ZNF736: variants seen among roughly 807,000 people sequenced by gnomAD.
ZNF736 encodes the protein KRAB-containing zinc-finger repressor protein.
A neutral mutation model predicts 11.7 loss-of-function variants in ZNF736; 6 were observed. The ratio of observed to expected loss-of-function variants is 0.51; its 90% CI spans 0.28 to 1.01. ZNF736 has a LOEUF of 1.01. Among genes scored for constraint, ZNF736 ranks in the 50% least tolerant of loss-of-function variants. The pLI is 0.09. For missense variants in ZNF736, 444 were observed against 496.0 expected, an observed-to-expected ratio of 0.90 and a Z score of 1.00; for synonymous variants, 139 against 164.7, an observed-to-expected ratio of 0.84 and a Z score of 1.19.
rs1789438071 is a variant in ZNF736 at position 64,348,283 on chromosome 7, C to A, written c.420C>A (p.Thr140=). ...YNGLHQCLSA[T]HSKTCQCNKC... ...GCCTTCATCAATGTTTGTCAGCTAC[C>A]CATAGCAAAACCTGTCAATGTAATA... Residue 140 remains threonine (T), a synonymous_variant, in exon 4 of 4, where the codon ACC becomes ACA. Transcript: ENST00000423484. The A allele has an allele frequency of 6.4e-7, 1 of 1,551,724 alleles. No individual in the cohort carries two copies. Among genetic ancestry groups the A allele is most frequent in the Non-Finnish European group, 8.7e-7 (1 of 1,146,912 alleles).
rs1485483294 is a variant in ZNF736 at position 64,350,365 on chromosome 7, A to G, written c.*1218A>G. 1 of 152,126 alleles carries G rather than the reference A, an allele frequency of 6.6e-6. No homozygotes were observed. Among genetic ancestry groups the G allele is most frequent in the Non-Finnish European group, 1.5e-5 (1 of 68,028 alleles). 9.4% of individuals were successfully genotyped at this position (152,126 alleles called of 1,614,324 possible). On this transcript the variant is annotated 3_prime_UTR_variant, in exon 4 of 4. Coordinates refer to ENST00000423484, the MANE Select transcript of ZNF736 (RefSeq NM_001170905.3). Reference sequence around the variant, plus strand: ...TTCTGCTGTTAATATATGTGATTACATTATAAAGGTTTTGTATTGTGTTTT... The same window carrying G: ...TTCTGCTGTTAATATATGTGATTACGTTATAAAGGTTTTGTATTGTGTTTT...
chr7:64,351,872 T>C lies in ZNF736; in HGVS notation c.*2725T>C, dbSNP rs1419593480. On this transcript the variant is annotated 3_prime_UTR_variant, in exon 4 of 4. Coordinates refer to ENST00000423484, the MANE Select transcript of ZNF736 (RefSeq NM_001170905.3). ...TTGGCCAAGTTAGGGGTTTACTGTC[T>C]GCTGAGGAGCAGTGGGTAGTTTGTG... The C allele has an allele frequency of 6.6e-6, 1 of 152,302 alleles. No individual in the cohort carries two copies. The highest frequency in any genetic ancestry group is 1.5e-5 in the Non-Finnish European group (1 of 68,126). 9.4% of individuals were successfully genotyped at this position (152,302 alleles called of 1,614,324 possible). A position where few individuals can be genotyped will look rare whatever the true frequency, so the allele number is the denominator to read the frequency against.
intron 1 of ZNF736, among the ~76,000 whole-genome samples, chr7:64,316,659 A>C (rs1373396934): frequency 6.6e-6 from 1 of 152,118 alleles, no homozygotes; most frequent in Non-Finnish European, 1.5e-5. Flanking sequence ...TGTGTTTGTC[A>C]CCTTCAATAT....
At chr7:64,341,746 A>G (rs1462558255) in intron 3 of ZNF736, among the ~76,000 whole-genome samples, 11 of 152,152 alleles carry the variant, frequency 7.2e-5, no homozygotes, top group Middle Eastern at 3.2e-3. Context: ...ACTTAGACCA[A>G]TTGCTGTTGA....
chr7:64,330,409 G>A (rs539075227), intron 1 of ZNF736, among the ~76,000 whole-genome samples: 10 of 151,832 alleles, frequency 6.6e-5, no homozygotes, highest in Admixed American at 3.3e-4. Context: ...CGACCGCCTT[G>A]GCCTCCCAAA....
At chr7:64,314,224 T>A in intron 1 of ZNF736, 71 bp downstream of exon 1, 2 of 1,539,310 alleles carry the variant, frequency 1.3e-6, no homozygotes, top group Non-Finnish European at 1.8e-6. Context: ...CCGGCTGCGG[T>A]GGTATCTGGG....
chr7:64,341,312 CTT>C (rs72101540), intron 3 of ZNF736, among the ~76,000 whole-genome samples: 14 of 148,650 alleles, frequency 9.4e-5, no homozygotes, highest in Admixed American at 1.3e-4. Flanking sequence ...TGTTTTCTGT[CTT>C]TTTTTTTTAT....
At chr7:64,339,062 C>A (rs1390909509) in intron 3 of ZNF736, among the ~76,000 whole-genome samples, 2 of 152,160 alleles carry the variant, frequency 1.3e-5, no homozygotes, top group African/African-American at 2.4e-5. Flanking sequence ...TAATTTGCAT[C>A]TGCCAGATTG....
intron 1 of ZNF736, among the ~76,000 whole-genome samples, chr7:64,330,716 T>G (rs1584269467): frequency 6.6e-6 from 1 of 152,176 alleles, no homozygotes; most frequent in East Asian, 1.9e-4. Context: ...GCTTACTGGT[T>G]ACTGCTGATG....
At chr7:64,325,218 A>G (rs1348627097) in intron 1 of ZNF736, among the ~76,000 whole-genome samples, 1 of 152,124 alleles carries the variant, frequency 6.6e-6, no homozygotes, top group Non-Finnish European at 1.5e-5. Flanking sequence ...AATTTTTTGT[A>G]AATCTTAAGC....
At chr7:64,319,428 G>A (rs1195185527) in intron 1 of ZNF736, among the ~76,000 whole-genome samples, 2 of 129,232 alleles carry the variant, frequency 1.5e-5, no homozygotes, top group Non-Finnish European at 3.2e-5. Context: ...ACTTTTGACT[G>A]TAGAGCTTTT....
chr7:64,328,254 G>GT (rs71060587), intron 1 of ZNF736, among the ~76,000 whole-genome samples: 168 of 147,370 alleles, frequency 1.1e-3, no homozygotes, highest in African/African-American at 2.7e-3. Flanking sequence ...AGTTGTTTTT[G>GT]TTTTTTTTTT....
intron 3 of ZNF736, chr7:64,337,205 G>GTGTGTGT (rs770694162): frequency 3.8e-6 from 2 of 524,334 alleles, no homozygotes; most frequent in African/African-American, 2.0e-5. Context: ...TGTGTGTGTT[G>GTGTGTGT]TGTGTGTGTT....
chr7:64,335,466 T>C (rs190973866), intron 1 of ZNF736, among the ~76,000 whole-genome samples: 1 of 152,222 alleles, frequency 6.6e-6, no homozygotes, highest in Non-Finnish European at 1.5e-5. Flanking sequence ...TCTTTGTTAA[T>C]CAGCACCTGA....
intron 1 of ZNF736, 24 bp downstream of exon 1, chr7:64,314,177 C>G (rs775546660): frequency 9.7e-6 from 15 of 1,551,440 alleles, no homozygotes; most frequent in Non-Finnish European, 1.3e-5. Context: ...GTGGGTGTCC[C>G]GAGAATGGGG....
chr7:64,315,790 C>T (rs1467593463), intron 1 of ZNF736, among the ~76,000 whole-genome samples: 1 of 152,132 alleles, frequency 6.6e-6, no homozygotes, highest in Non-Finnish European at 1.5e-5. Flanking sequence ...CAATTTCTTT[C>T]CCACATTCCC....
intron 1 of ZNF736, among the ~76,000 whole-genome samples, chr7:64,328,630 C>T (rs374358786): frequency 1.6e-4 from 24 of 152,082 alleles, no homozygotes; most frequent in East Asian, 5.8e-4. Flanking sequence ...GGTGTGGTGG[C>T]GGGCTCCTGT....
rs1789413867 is a variant in ZNF736, at chr7:64,346,653, T to G, written c.227-1437T>G. ...GCGACTTTTAAAACATTGCTTGTGTTATGTCTTGTTAGAAATCTCTTTGTG... is the reference window on the plus strand; with the variant it reads ...GCGACTTTTAAAACATTGCTTGTGTGATGTCTTGTTAGAAATCTCTTTGTG... On this transcript the variant is annotated intron_variant, in intron 3 of 3. Transcript: ENST00000423484. Among the ~76,000 whole-genome samples, 4 of 152,242 alleles carry G rather than the reference T, an allele frequency of 2.6e-5. No individual in the cohort carries two copies. In the South Asian group the frequency reaches 8.3e-4, roughly 32 times the overall value.
chr7:64,318,783 C>A (rs1181276098), intron 1 of ZNF736, among the ~76,000 whole-genome samples: 1 of 151,974 alleles, frequency 6.6e-6, no homozygotes, highest in African/African-American at 2.4e-5. Flanking sequence ...TACATGTAGA[C>A]ACAACATATA....
Sources: gnomAD v4.1 joint callset for allele counts (sites outside exome capture counted in the v4.1 genomes callset) on GRCh38, gnomAD v4.1.1 for gene constraint, MANE v1.5 for transcripts, NCBI Gene and HGNC (gene_info 2026-07-23, HGNC 2026-07-21) for gene names.